The following LRP2BP variants were observed in gnomAD, a reference collection of about 807,000 sequenced individuals.
LRP2BP encodes LRP2 binding protein, also known as LRP2-binding protein.
In LRP2BP, 38 loss-of-function variants were observed where a neutral mutation model predicts 45.2. The ratio of observed to expected loss-of-function variants is 0.84; its 90% CI spans 0.65 to 1.10. The LOEUF (loss-of-function observed/expected upper bound fraction) is 1.10. Among genes scored for constraint, LRP2BP ranks in the 50% least tolerant of loss-of-function variants. The pLI is 0.00. For missense variants in LRP2BP, 385 were observed against 418.9 expected (o/e 0.92, Z 0.71); for synonymous variants, 153 against 153.9 (o/e 0.99, Z 0.04).
chr4:185,373,440 T>C (rs1221734684), intron 6 of LRP2BP, among the ~76,000 whole-genome samples: 1 of 152,278 alleles, frequency 6.6e-6, no homozygotes, highest in East Asian at 1.9e-4. Flanking sequence ...GGGAAACCAC[T>C]GATGCTAAGG....
chr4:185,387,276 G>A (rs2095474546), intron 1 of LRP2BP, among the ~76,000 whole-genome samples: 1 of 152,184 alleles, frequency 6.6e-6, no homozygotes, highest in Admixed American at 6.5e-5. Flanking sequence ...TGGATTATGT[G>A]CAGGTATATA....
intron 1 of LRP2BP, among the ~76,000 whole-genome samples, chr4:185,384,748 C>T (rs1278829273): frequency 6.6e-6 from 1 of 151,580 alleles, no homozygotes; most frequent in Non-Finnish European, 1.5e-5. Flanking sequence ...TTTTTAAAAA[C>T]CCCATAGTGT....
Position 185,378,166 on chromosome 4 carries a change from C to T in LRP2BP, c.21G>A (p.Lys7=). ...AGGCATAAAAGGGGTTCTTGGGCAACTTTTCACTGGTCAACTTCATCCTTT... is the reference window on the plus strand; with the variant it reads ...AGGCATAAAAGGGGTTCTTGGGCAATTTTTCACTGGTCAACTTCATCCTTT... MKLTSE[K]LPKNPFYASV... The change falls in exon 2 of 9, where the codon AAG becomes AAA. Residue 7 remains lysine (K), a synonymous_variant. Coordinates refer to ENST00000505916, the MANE Select transcript of LRP2BP (RefSeq NM_001377440.1). 2 of 1,614,024 alleles carry T rather than the reference C, an allele frequency of 1.2e-6. No homozygotes were observed. The highest frequency in any genetic ancestry group is 1.3e-5 in the African/African-American group (1 of 75,046).
At chr4:185,369,031 T>TA (rs1216015747) in intron 8 of LRP2BP, among the ~76,000 whole-genome samples, 1 of 152,034 alleles carries the variant, frequency 6.6e-6, no homozygotes, top group Non-Finnish European at 1.5e-5. Context: ...TGGCCTCAGG[T>TA]AATCCTCCCA....
At chr4:185,372,782 AATT>A in intron 7 of LRP2BP, 71 bp downstream of exon 7, 1 of 1,298,860 alleles carries the variant, frequency 7.7e-7, no homozygotes, top group Non-Finnish European at 1.1e-6. Context: ...GTGAGAAATA[AATT>A]TCTGTTTCTC....
chr4:185,384,521 T>C (rs2095464733), intron 1 of LRP2BP, among the ~76,000 whole-genome samples: 1 of 151,928 alleles, frequency 6.6e-6, no homozygotes, highest in South Asian at 2.1e-4. Context: ...ACTGGCTCTT[T>C]TGACACTTAA....
At position 185,395,512 on chromosome 4, in the gene LRP2BP, T is replaced by C. The variant is rs1402697658; in HGVS notation, c.-755A>G. On this transcript the variant is annotated 5_prime_UTR_variant, in exon 1 of 9. Transcript: ENST00000505916. ...CTCACAAATCTGACAACAGTATCTCTACACTGCCGTTCTTTAAACATCATT... is the reference window on the plus strand; with the variant it reads ...CTCACAAATCTGACAACAGTATCTCCACACTGCCGTTCTTTAAACATCATT... 1.0e-5 allele frequency: 10 copies of C among 985,090 alleles called. No individual in the cohort carries two copies. The highest frequency in any genetic ancestry group is 1.2e-5 in the Non-Finnish European group (10 of 829,684). The allele number at this position is 985,090 out of a possible 1,614,324, so 61.0% of individuals were successfully genotyped here. A position where few individuals can be genotyped will look rare whatever the true frequency, so the allele number is the denominator to read the frequency against.
At chr4:185,379,039 G>A (rs925608616) in intron 1 of LRP2BP, 1 of 909,528 alleles carries the variant, frequency 1.1e-6, no homozygotes, top group African/African-American at 1.8e-5. Flanking sequence ...ATGAAGTGCA[G>A]AAAAAAGGAA....
Position 185,366,161 on chromosome 4 carries a change from G to C in LRP2BP, c.*1019C>G, listed in dbSNP as rs2095387450. Reference sequence around the variant, plus strand: ...ATTTGTTTCACAAATGAATAGCCTTGTACAATCTTATGCATATGGATCTTA... The same window carrying C: ...ATTTGTTTCACAAATGAATAGCCTTCTACAATCTTATGCATATGGATCTTA... On this transcript the variant is annotated 3_prime_UTR_variant, in exon 9 of 9. Coordinates refer to ENST00000505916, the MANE Select transcript of LRP2BP (RefSeq NM_001377440.1). 1 of 152,208 alleles carries C rather than the reference G, an allele frequency of 6.6e-6. No individual in the cohort carries two copies. The highest frequency in any genetic ancestry group is 1.5e-5 in the Non-Finnish European group (1 of 68,040). 9.4% of individuals were successfully genotyped at this position (152,208 alleles called of 1,614,324 possible).
chr4:185,393,275 T>C (rs1368267683), intron 1 of LRP2BP, among the ~76,000 whole-genome samples: 1 of 152,146 alleles, frequency 6.6e-6, no homozygotes, highest in Non-Finnish European at 1.5e-5. Flanking sequence ...GAGCTGAAGT[T>C]TTCTATGGCA....
rs1264791953 is a variant in LRP2BP, at chr4:185,395,860, G to A, written c.-1103C>T. On this transcript the variant is annotated 5_prime_UTR_variant, in exon 1 of 9. Transcript: ENST00000505916. Reference sequence around the variant, plus strand: ...GAATCACTAAAAATGTAGGGGAAAAGAAACACTCGGCTGGAGCTTTGGTTT... The same window carrying A: ...GAATCACTAAAAATGTAGGGGAAAAAAAACACTCGGCTGGAGCTTTGGTTT... The A allele has an allele frequency of 1.0e-6, 1 of 985,368 alleles. No individual in the cohort carries two copies. The highest frequency in any genetic ancestry group is 1.1e-4 in the East Asian group (1 of 8,828). 61.0% of individuals were successfully genotyped at this position (985,368 alleles called of 1,614,324 possible). A position where few individuals can be genotyped will look rare whatever the true frequency, so the allele number is the denominator to read the frequency against.
upstream of LRP2BP, chr4:185,396,977 G>A (rs761416661): frequency 6.2e-7 from 1 of 1,613,088 alleles, no homozygotes; most frequent in South Asian, 1.1e-5. Context: ...CAGAGCCCGA[G>A]CTTTTGTCCT....
chr4:185,375,381 G>A (rs1385516976), intron 4 of LRP2BP, among the ~76,000 whole-genome samples: 7 of 139,416 alleles, frequency 5.0e-5, no homozygotes, highest in Middle Eastern at 4.1e-3. Context: ...ACTCGAACCC[G>A]GGAAGCAGAG....
intron 1 of LRP2BP, among the ~76,000 whole-genome samples, chr4:185,387,312 A>G (rs2095474665): frequency 6.6e-6 from 1 of 152,254 alleles, no homozygotes; most frequent in East Asian, 1.9e-4. Flanking sequence ...CCTTGGGAAC[A>G]GAAATGTTTT....
intron 1 of LRP2BP, among the ~76,000 whole-genome samples, chr4:185,385,906 G>GGC (rs977309953): frequency 8.7e-4 from 19 of 21,772 alleles, no homozygotes; most frequent in Non-Finnish European, 1.7e-3. Context: ...GTCTCGGGGA[G>GGC]GGGGGGGGGG....
At chr4:185,376,297 A>T (rs2095437274) in intron 3 of LRP2BP, among the ~76,000 whole-genome samples, 1 of 152,084 alleles carries the variant, frequency 6.6e-6, no homozygotes, top group Admixed American at 6.6e-5. Context: ...CTTTTTTTTG[A>T]GAGGGAGTCT....
intron 4 of LRP2BP, among the ~76,000 whole-genome samples, 163 bp from the exon 5 acceptor site, chr4:185,374,624 G>A (rs1274265193): frequency 2.0e-5 from 3 of 152,156 alleles, no homozygotes; most frequent in East Asian, 1.9e-4. Context: ...CAGGGCAAGC[G>A]ATAAGGAGGA....
intron 1 of LRP2BP, among the ~76,000 whole-genome samples, chr4:185,389,260 GTGCAATGGCGCAATCTTGGTTCAC>G (rs1170016702): frequency 6.6e-6 from 1 of 151,698 alleles, no homozygotes; most frequent in Non-Finnish European, 1.5e-5. Context: ...CCAGGCTGGA[GTGCAATGGCGCAATCTTGGTTCAC>G]TGCAACCTCC....
chr4:185,374,160 G>T lies in LRP2BP; in HGVS notation c.554C>A (p.Thr185Asn), dbSNP rs1275335731. The T allele has an allele frequency of 1.9e-6, 3 of 1,614,138 alleles. No individual in the cohort carries two copies. The highest frequency in any genetic ancestry group is 1.7e-6 in the Non-Finnish European group (2 of 1,180,002). ...AQSMLGLYYS[T>N]KEPKELEKAF... ...CTTTTCTAACTCCTTGGGCTCCTTG[G>T]TTGAGTAATACAGCCCGAGCATACT... is the stretch of plus-strand genomic sequence containing the variant. Residue 185 changes from threonine to asparagine, a missense_variant, in exon 6 of 9, where the codon ACC (threonine) becomes AAC (asparagine). Transcript: ENST00000505916.
Sources: gnomAD v4.1 joint callset for allele counts (sites outside exome capture counted in the v4.1 genomes callset) on GRCh38, gnomAD v4.1.1 for gene constraint, MANE v1.5 for transcripts, NCBI Gene and HGNC (gene_info 2026-07-23, HGNC 2026-07-21) for gene names.